The following SEMA5A variants were observed in gnomAD, a reference collection of about 807,000 sequenced individuals.
SEMA5A encodes the protein semaphorin-5A.
SEMA5A carries 55 observed loss-of-function variants against 135.5 expected under a neutral mutation model. That is an observed-to-expected ratio of 0.41 (90% confidence interval 0.33 to 0.51). The LOEUF is 0.51. SEMA5A is among the 20% of genes least tolerant of loss of function. SEMA5A has a pLI of 0.37. For missense variants in SEMA5A, 1,290 were observed against 1,419.9 expected (o/e 0.91, Z 1.47); for synonymous variants, 580 against 546.5 (o/e 1.06, Z -0.85).
intron 12 of SEMA5A, among the ~76,000 whole-genome samples, chr5:9,143,639 T>TA (rs1254215574): frequency 1.3e-5 from 2 of 152,182 alleles, no homozygotes; most frequent in Admixed American, 1.3e-4. Flanking sequence ...ATTGATAATT[T>TA]AAAAAACAGT....
intron 2 of SEMA5A, among the ~76,000 whole-genome samples, chr5:9,393,396 T>C (rs1756250496): frequency 6.6e-6 from 1 of 152,140 alleles, no homozygotes; most frequent in Admixed American, 6.5e-5. Context: ...GCCTACAAAG[T>C]ACCAGTGATC....
chr5:9,137,305 A>G (rs1275637154), intron 12 of SEMA5A, among the ~76,000 whole-genome samples: 2 of 152,232 alleles, frequency 1.3e-5, no homozygotes, highest in Non-Finnish European at 2.9e-5. Context: ...GTAATTTCAT[A>G]TAGTTGTGTC....
intron 1 of SEMA5A, among the ~76,000 whole-genome samples, chr5:9,464,965 T>C (rs1483755115): frequency 6.6e-6 from 1 of 152,212 alleles, no homozygotes; most frequent in Admixed American, 6.5e-5. Context: ...TCGTGTTTCC[T>C]AGTAATCCCC....
intron 11 of SEMA5A, among the ~76,000 whole-genome samples, chr5:9,181,574 A>G (rs1432474323): frequency 1.3e-5 from 2 of 151,770 alleles, no homozygotes; most frequent in Non-Finnish European, 2.9e-5. Flanking sequence ...TTGGTGCTTT[A>G]TTTTGAGGCC....
chr5:9,294,685 C>T (rs2150593024), intron 5 of SEMA5A, among the ~76,000 whole-genome samples: 1 of 152,272 alleles, frequency 6.6e-6, no homozygotes, highest in South Asian at 2.1e-4. Flanking sequence ...CTAAACACTT[C>T]CCCCATGGAG....
intron 21 of SEMA5A, among the ~76,000 whole-genome samples, chr5:9,046,976 T>C (rs895248666): frequency 6.6e-6 from 1 of 152,210 alleles, no homozygotes; most frequent in Non-Finnish European, 1.5e-5. Flanking sequence ...TTCAGCATCT[T>C]TGGCCTTTCT....
chr5:9,236,618 A>G (rs1418127134), intron 6 of SEMA5A, among the ~76,000 whole-genome samples: 1 of 152,194 alleles, frequency 6.6e-6, no homozygotes, highest in Non-Finnish European at 1.5e-5. Context: ...AGGATATCAC[A>G]TTCGAATTCT....
At chr5:9,124,882 C>T (rs868858576) in intron 13 of SEMA5A, among the ~76,000 whole-genome samples, 8 of 152,328 alleles carry the variant, frequency 5.3e-5, no homozygotes, top group Middle Eastern at 3.4e-3. Context: ...CACCCCTCCT[C>T]CTCTGCCAGA....
At chr5:9,318,656 ATACT>A (rs1454176518) in intron 4 of SEMA5A, among the ~76,000 whole-genome samples, 3 of 152,220 alleles carry the variant, frequency 2.0e-5, no homozygotes, top group Non-Finnish European at 1.5e-5. Context: ...GTGTCTGTAC[ATACT>A]TACGGTAAGT....
At chr5:9,339,403 T>C (rs890296205) in intron 3 of SEMA5A, among the ~76,000 whole-genome samples, 1 of 152,138 alleles carries the variant, frequency 6.6e-6, no homozygotes, top group Non-Finnish European at 1.5e-5. Context: ...CCTGTGGCCA[T>C]AACTGGTATC....
At chr5:9,362,185 T>G (rs1252680768) in intron 3 of SEMA5A, among the ~76,000 whole-genome samples, 1 of 152,126 alleles carries the variant, frequency 6.6e-6, no homozygotes, top group African/African-American at 2.4e-5. Context: ...GCCTCCCTGC[T>G]CATCAGGCTC....
chr5:9,519,868 GA>G (rs1401446302), intron 1 of SEMA5A: 1 of 152,140 alleles, frequency 6.6e-6, no homozygotes, highest in Non-Finnish European at 1.5e-5. Flanking sequence ...TGTTTTCAAT[GA>G]ACTCTGACAT....
At chr5:9,179,632 A>G (rs547998916) in intron 11 of SEMA5A, among the ~76,000 whole-genome samples, 2 of 152,374 alleles carry the variant, frequency 1.3e-5, no homozygotes, top group South Asian at 4.1e-4. Context: ...ACATTTAATC[A>G]AACAAAACAA....
intron 12 of SEMA5A, among the ~76,000 whole-genome samples, chr5:9,136,934 A>G (rs1253792800): frequency 1.3e-5 from 2 of 152,376 alleles, no homozygotes; most frequent in African/African-American, 4.8e-5. Flanking sequence ...TACAATGTTC[A>G]AAAACAATAT....
intron 5 of SEMA5A, among the ~76,000 whole-genome samples, chr5:9,286,334 T>A (rs923714183): frequency 6.6e-6 from 1 of 152,222 alleles, no homozygotes; most frequent in Non-Finnish European, 1.5e-5. Flanking sequence ...GTAATTGCAA[T>A]GTTTTAATAA....
At chr5:9,166,192 G>A (rs116558046) in intron 11 of SEMA5A, among the ~76,000 whole-genome samples, 2,710 of 151,942 alleles carry the variant, frequency 0.018, 23 homozygotes, top group Middle Eastern at 0.037. Flanking sequence ...CTGGAGACCC[G>A]GCACTAGGGG....
chr5:9,136,189 C>A (rs1741731269), intron 13 of SEMA5A, among the ~76,000 whole-genome samples: 1 of 151,676 alleles, frequency 6.6e-6, no homozygotes, highest in Admixed American at 6.6e-5. Context: ...CTGTAAGGGG[C>A]AAAATAGTCC....
intron 8 of SEMA5A, among the ~76,000 whole-genome samples, chr5:9,219,313 G>A (rs1746802266): frequency 6.6e-6 from 1 of 152,172 alleles, no homozygotes; most frequent in Non-Finnish European, 1.5e-5. Flanking sequence ...GCAGGACCTG[G>A]GGTTGAGTGG....
At chr5:9,152,476 A>G (rs10055926) in intron 12 of SEMA5A, among the ~76,000 whole-genome samples, 22,506 of 152,136 alleles carry the variant, frequency 0.15, 2,997 homozygotes, top group East Asian at 0.46. Context: ...CAGTTAATAA[A>G]TACCACTAGC....
Sources: gnomAD v4.1 joint callset for allele counts (sites outside exome capture counted in the v4.1 genomes callset) on GRCh38, gnomAD v4.1.1 for gene constraint, MANE v1.5 for transcripts, NCBI Gene and HGNC (gene_info 2026-07-23, HGNC 2026-07-21) for gene names.